The following PROX2 variants were observed in gnomAD, a reference collection of about 807,000 sequenced individuals.
PROX2 encodes prospero homeobox protein 2.
In PROX2, 46 loss-of-function variants were observed where a neutral mutation model predicts 48.9. The ratio of observed to expected loss-of-function variants is 0.94; its 90% CI spans 0.74 to 1.20. PROX2 has a LOEUF of 1.20. PROX2 is among the 50% of genes most tolerant of loss of function. PROX2 has a pLI of 0.00. For missense variants in PROX2, 663 were observed against 719.4 expected, an observed-to-expected ratio of 0.92 and a Z score of 0.90; for synonymous variants, 260 against 276.6, an observed-to-expected ratio of 0.94 and a Z score of 0.60.
At chr14:74,859,520 A>G (rs1395769360) in intron 3 of PROX2, 2 of 152,246 alleles carry the variant, frequency 1.3e-5, no homozygotes, top group African/African-American at 4.8e-5. Flanking sequence ...GAACAGACAG[A>G]TTCCTTCCCC....
At position 74,855,160 on chromosome 14, in the gene PROX2, ATC is replaced by A; in HGVS notation, c.1749_1750del (p.Glu583AspfsTer41). 1 of 1,570,902 alleles carries A rather than the reference ATC, an allele frequency of 6.4e-7. No individual in the cohort carries two copies. Among genetic ancestry groups the A allele is most frequent in the Non-Finnish European group, 8.7e-7 (1 of 1,151,180 alleles). The stretch of plus-strand genomic sequence containing the variant: ...CTGGGGATAGCTGGAAGATTTGAAT[ATC>A]TCTGGGATGTCACTGTCCAGTTTCG... On this transcript the variant is annotated frameshift_variant, in exon 6 of 6. Coordinates refer to ENST00000556489, the MANE Select transcript of PROX2 (RefSeq NM_001243007.2). LOFTEE classifies it high-confidence loss of function.
At chr14:74,865,892 TACA>T (rs1269511495) in intron 2 of PROX2, among the ~76,000 whole-genome samples, 3 of 152,100 alleles carry the variant, frequency 2.0e-5, no homozygotes, top group Non-Finnish European at 2.9e-5. Context: ...ACAGGGACAC[TACA>T]ACGATACCCT....
rs1205640831 is a variant in PROX2, at chr14:74,862,761, A to G, written c.1074T>C (p.His358=). The G allele has an allele frequency of 1.2e-6, 2 of 1,613,974 alleles. No individual in the cohort carries two copies. The highest frequency in any genetic ancestry group is 1.1e-5 in the South Asian group (1 of 91,080). Reference sequence around the variant, plus strand: ...AGTCCTGGGGAGGACTGCTACTCCAATGGCCATTGTTGTATCTATGACCCA... The same window carrying G: ...AGTCCTGGGGAGGACTGCTACTCCAGTGGCCATTGTTGTATCTATGACCCA... ...QLLGHRYNNG[H]WSSSPPQDSS... is the part of the protein sequence containing the mutation. Residue 358 remains histidine (H), a synonymous_variant, in exon 3 of 6, where the codon CAT becomes CAC. Transcript: ENST00000556489.
At position 74,862,967 on chromosome 14, in the gene PROX2, T is replaced by C; in HGVS notation, c.868A>G (p.Arg290Gly). 5.6e-6 allele frequency: 9 copies of C among 1,613,960 alleles called. No individual in the cohort carries two copies. The highest frequency in any genetic ancestry group is 7.6e-6 in the Non-Finnish European group (9 of 1,179,866). ...KDPLALAALPRRVQLQAGVPV... is the reference protein window; with the variant it reads ...KDPLALAALPGRVQLQAGVPV... ...ACCCCAGCTTGTAGCTGGACCCTCCTGGGCAAGGCAGCCAAAGCAAGTGGA... is the reference window on the plus strand; with the variant it reads ...ACCCCAGCTTGTAGCTGGACCCTCCCGGGCAAGGCAGCCAAAGCAAGTGGA... The change falls in exon 3 of 6, where the codon AGG becomes GGG. Residue 290 changes from arginine (R) to glycine (G), a missense_variant. Transcript: ENST00000556489.
Position 74,863,470 on chromosome 14 carries a change from T to C in PROX2, c.365A>G (p.Asp122Gly), listed in dbSNP as rs1465718123. 6 of 1,613,716 alleles carry C rather than the reference T, an allele frequency of 3.7e-6. No homozygotes were observed. In the South Asian group the frequency reaches 6.6e-5, roughly 18 times the overall value. The change falls in exon 3 of 6, where the codon GAC becomes GGC. Residue 122 changes from aspartate to glycine, a missense_variant. Physicochemically the swap from Asp to Gly is moderately conservative, Grantham distance 94. Transcript: ENST00000556489. Reference sequence around the variant, plus strand: ...AGGGCCCCCCTTCCTGTTGCCCTGGTCCCAGGCAGGGGCTGGCATCAGGAG... The same window carrying C: ...AGGGCCCCCCTTCCTGTTGCCCTGGCCCCAGGCAGGGGCTGGCATCAGGAG... ...QGLLMPAPAW[D>G]QGNRKGGPRV...
intron 4 of PROX2, 191 bp downstream of exon 4, chr14:74,858,216 C>G (rs939642806): frequency 5.2e-5 from 25 of 482,764 alleles, no homozygotes; most frequent in African/African-American, 3.9e-4. Context: ...AGACAGCCAG[C>G]CTTTCTAGCC....
chr14:74,874,793 C>T (rs1335919233), intron 1 of PROX2, among the ~76,000 whole-genome samples: 1 of 152,164 alleles, frequency 6.6e-6, no homozygotes, highest in Non-Finnish European at 1.5e-5. Flanking sequence ...TCTACCATCA[C>T]TTTTATTTCC....
chr14:74,865,898 G>A (rs901777822), intron 2 of PROX2, among the ~76,000 whole-genome samples: 2 of 152,048 alleles, frequency 1.3e-5, no homozygotes, highest in East Asian at 3.9e-4. Flanking sequence ...ACACTACAAC[G>A]ATACCCTGGA....
intron 2 of PROX2, among the ~76,000 whole-genome samples, chr14:74,866,329 C>T (rs986320484): frequency 6.6e-6 from 1 of 152,066 alleles, no homozygotes; most frequent in African/African-American, 2.4e-5. Flanking sequence ...GAGATCTGGG[C>T]TAGAAATGTA....
intron 3 of PROX2, chr14:74,859,510 G>C (rs996135485): frequency 6.6e-6 from 1 of 152,190 alleles, no homozygotes; most frequent in Admixed American, 6.5e-5. Context: ...CTCACTCTGG[G>C]AACAGACAGA....
intron 4 of PROX2, chr14:74,858,196 T>G (rs1365820212): frequency 2.1e-6 from 1 of 475,290 alleles, no homozygotes; most frequent in Non-Finnish European, 3.7e-6. Flanking sequence ...GCTCAGTAGC[T>G]TAAGAATTTA....
chr14:74,863,325 T>A lies in PROX2; in HGVS notation c.510A>T (p.Lys170Asn). The part of the protein sequence containing the change: ...AQGPGGCGTG[K>N]GPLSAKQGNG... Reference sequence around the variant, plus strand: ...TCCCCTGCTTTGCACTCAGAGGGCCTTTCCCCGTGCCACAGCCTCCTGGCC... The same window carrying A: ...TCCCCTGCTTTGCACTCAGAGGGCCATTCCCCGTGCCACAGCCTCCTGGCC... The change falls in exon 3 of 6, where the codon AAA becomes AAT. Residue 170 changes from lysine (K) to asparagine (N), a missense_variant. By Grantham distance (94) the Lys-to-Asn change is moderately conservative. Coordinates refer to ENST00000556489, the MANE Select transcript of PROX2 (RefSeq NM_001243007.2). 1 of 1,614,008 alleles carries A rather than the reference T, an allele frequency of 6.2e-7. No individual in the cohort carries two copies. Among genetic ancestry groups the A allele is most frequent in the Non-Finnish European group, 8.5e-7 (1 of 1,179,882 alleles).
chr14:74,863,438 TCA>T lies in PROX2; in HGVS notation c.395_396del (p.Val132GlufsTer59), dbSNP rs2091815838. 1 of 1,613,228 alleles carries T rather than the reference TCA, an allele frequency of 6.2e-7. No homozygotes were observed. The highest frequency in any genetic ancestry group is 1.3e-5 in the African/African-American group (1 of 74,916). ...DQGNRKGGPRVREQLHLLKQQ... is the reference protein window; with the variant it reads ...DQGNRKGGPRXREQLHLLKQQ... ...TGCTTCAGCAGATGAAGTTGTTCTC[TCA>T]CACGAGGGCCCCCCTTCCTGTTGCC... On this transcript the variant is annotated frameshift_variant, in exon 3 of 6. Transcript: ENST00000556489. LOFTEE classifies it high-confidence loss of function.
At position 74,863,331 on chromosome 14, in the gene PROX2, C is replaced by G. The variant is rs372063691; in HGVS notation, c.504G>C (p.Thr168=). ...DTAQGPGGCG[T]GKGPLSAKQG... is the part of the protein sequence containing the mutation. Reference sequence around the variant, plus strand: ...GCTTTGCACTCAGAGGGCCTTTCCCCGTGCCACAGCCTCCTGGCCCCTGAG... The same window carrying G: ...GCTTTGCACTCAGAGGGCCTTTCCCGGTGCCACAGCCTCCTGGCCCCTGAG... The change falls in exon 3 of 6, where the codon ACG becomes ACC. Residue 168 remains threonine (T), a synonymous_variant. Coordinates refer to ENST00000556489, the MANE Select transcript of PROX2 (RefSeq NM_001243007.2). 6.2e-7 allele frequency: 1 copy of G among 1,613,932 alleles called. No individual in the cohort carries two copies. Among genetic ancestry groups the G allele is most frequent in the East Asian group, 2.2e-5 (1 of 44,902 alleles).
At chr14:74,873,039 G>A (rs766862490) in intron 1 of PROX2, among the ~76,000 whole-genome samples, 6 of 152,116 alleles carry the variant, frequency 3.9e-5, no homozygotes, top group Non-Finnish European at 7.4e-5. Context: ...AGGCTGGAGT[G>A]CAGTGGCGAT....
chr14:74,872,118 T>A (rs138853004), intron 1 of PROX2, among the ~76,000 whole-genome samples: 1 of 152,280 alleles, frequency 6.6e-6, no homozygotes, highest in East Asian at 1.9e-4. Flanking sequence ...TTCAGCTGGG[T>A]CACAAGAGAA....
At position 74,855,063 on chromosome 14, in the gene PROX2, C is replaced by T; in HGVS notation, c.*69G>A. The T allele has an allele frequency of 8.8e-7, 1 of 1,137,594 alleles. No individual in the cohort carries two copies. Among genetic ancestry groups the T allele is most frequent in the South Asian group, 2.7e-5 (1 of 37,306 alleles). The allele number at this position is 1,137,594 out of a possible 1,614,324, so 70.5% of individuals were successfully genotyped here. ...TTTTATATGACTACAGCTAAATTGC[C>T]CTTTAAGACAAACCCAGGAAACCCT... On this transcript the variant is annotated 3_prime_UTR_variant, in exon 6 of 6. Coordinates refer to ENST00000556489, the MANE Select transcript of PROX2 (RefSeq NM_001243007.2).
intron 2 of PROX2, among the ~76,000 whole-genome samples, chr14:74,868,817 G>A (rs1055220520): frequency 6.8e-6 from 1 of 146,558 alleles, no homozygotes; most frequent in East Asian, 2.0e-4. Context: ...CAACCTGGGC[G>A]ACAGCGAGAC....
At chr14:74,861,233 T>C (rs749317019) in intron 3 of PROX2, 4 of 1,352,790 alleles carry the variant, frequency 3.0e-6, no homozygotes, top group Non-Finnish European at 3.9e-6. Flanking sequence ...CTCCATAGAC[T>C]CATCAGCTTC....
Sources: allele counts gnomAD v4.1 joint callset (sites outside exome capture counted in the v4.1 genomes callset), GRCh38; gene constraint gnomAD v4.1.1; transcripts MANE v1.5; gene names NCBI Gene and HGNC (gene_info 2026-07-23, HGNC 2026-07-21).